CR1L: variants seen among roughly 807,000 people sequenced by gnomAD.
The protein encoded by CR1L is complement C3b/C4b receptor 1 like.
A neutral mutation model predicts 62.3 loss-of-function variants in CR1L; 59 were observed. The observed-to-expected ratio is 0.95, with a 90% CI of 0.77 to 1.18. CR1L has a LOEUF of 1.18. CR1L is among the 50% of genes most tolerant of loss of function. The probability of loss-of-function intolerance (pLI) is 0.00; values close to 1 mark genes in which losing one functional copy is unlikely to be tolerated. For missense variants in CR1L, 700 were observed against 702.8 expected (o/e 1.00, Z 0.04); for synonymous variants, 279 against 248.7 (o/e 1.12, Z -1.15).
At position 207,669,304 on chromosome 1, in the gene CR1L, A is replaced by T. The variant is rs1003650123; in HGVS notation, c.98-8085A>T. 32 of 591,966 alleles carry T rather than the reference A, an allele frequency of 5.4e-5. 1 individual carries two copies. Among genetic ancestry groups the T allele is most frequent in the Non-Finnish European group, 6.0e-6 (2 of 335,464 alleles). 36.7% of individuals were successfully genotyped at this position (591,966 alleles called of 1,614,324 possible). A position where few individuals can be genotyped will look rare whatever the true frequency, so the allele number is the denominator to read the frequency against. On this transcript the variant is annotated intron_variant, in intron 1 of 11. Transcript: ENST00000508064. ...CATGAAGGGGAAGCTGGTCAAAAGC[A>T]TTTTGTCCCGGAACCCCGCAGCCCT...
chr1:207,697,036 G>C lies in CR1L; in HGVS notation c.863-467G>C, dbSNP rs1458882544. ...AGGAGAAGAGAATAGATGTATGTTT[G>C]TTGCACCAGTGTGATAGGTGATGGA... On this transcript the variant is annotated intron_variant, in intron 5 of 11. Coordinates refer to ENST00000508064, the MANE Select transcript of CR1L (RefSeq NM_175710.2). 2.6e-5 allele frequency among the ~76,000 whole-genome samples: 4 copies of C among 152,206 alleles called. No individual in the cohort carries two copies. The East Asian group carries it at 7.7e-4, about 29-fold the overall frequency.
At chr1:207,718,559 T>C (rs1303753075) in intron 11 of CR1L, among the ~76,000 whole-genome samples, 1 of 152,092 alleles carries the variant, frequency 6.6e-6, no homozygotes, top group African/African-American at 2.4e-5. Flanking sequence ...GTAGCTAGGA[T>C]TACAGGCACC....
rs569573410 is a variant in CR1L at position 207,701,814 on chromosome 1, G to A, written c.1328+196G>A. 5 of 820,950 alleles carry A rather than the reference G, an allele frequency of 6.1e-6. No homozygotes were observed. The East Asian group carries it at 8.1e-5, about 13-fold the overall frequency. 50.9% of individuals were successfully genotyped at this position (820,950 alleles called of 1,614,324 possible). On this transcript the variant is annotated intron_variant, in intron 9 of 11. Coordinates refer to ENST00000508064, the MANE Select transcript of CR1L (RefSeq NM_175710.2). Reference sequence around the variant, plus strand: ...ATCTGTGTCCTTGCTGGAAACCAGGGCAGTGCACACATAAAGAGTATGCCG... The same window carrying A: ...ATCTGTGTCCTTGCTGGAAACCAGGACAGTGCACACATAAAGAGTATGCCG...
At chr1:207,696,139 G>A (rs181546830) in intron 5 of CR1L, among the ~76,000 whole-genome samples, 1 of 152,296 alleles carries the variant, frequency 6.6e-6, no homozygotes, top group East Asian at 1.9e-4. Flanking sequence ...AGCCTGGAGG[G>A]ATGCTCAAGT....
intron 10 of CR1L, among the ~76,000 whole-genome samples, chr1:207,716,111 G>C (rs1299348101): frequency 6.6e-6 from 1 of 152,106 alleles, no homozygotes; most frequent in Non-Finnish European, 1.5e-5. Context: ...TCCATGTGTA[G>C]AAAATGCAAT....
At chr1:207,718,065 C>T (rs776679325) in intron 11 of CR1L, among the ~76,000 whole-genome samples, 10 of 152,218 alleles carry the variant, frequency 6.6e-5, no homozygotes, top group Middle Eastern at 3.4e-3. Flanking sequence ...GGATGTGCTG[C>T]GCAAAAAGTA....
chr1:207,657,290 G>T (rs1663331948), intron 1 of CR1L: 2 of 1,444,020 alleles, frequency 1.4e-6, no homozygotes, highest in Non-Finnish European at 1.9e-6. Context: ...TGACAATTCA[G>T]TATGGAATCA....
intron 1 of CR1L, among the ~76,000 whole-genome samples, chr1:207,650,060 C>T (rs1323722): frequency 0.36 from 55,085 of 151,724 alleles, 10,163 homozygotes; most frequent in Non-Finnish European, 0.4. Flanking sequence ...GGCTCTTGGG[C>T]CTCCCTTTGT....
chr1:207,712,891 C>A (rs1571536378), intron 10 of CR1L, among the ~76,000 whole-genome samples: 1 of 152,138 alleles, frequency 6.6e-6, no homozygotes, highest in Non-Finnish European at 1.5e-5. Flanking sequence ...GTGTTGAGAC[C>A]AAGGACTCAG....
Position 207,697,594 on chromosome 1 carries a change from T to C in CR1L, c.954T>C (p.Cys318=). 6.2e-7 allele frequency: 1 copy of C among 1,613,886 alleles called. No homozygotes were observed. The highest frequency in any genetic ancestry group is 8.5e-7 in the Non-Finnish European group (1 of 1,179,810). Residue 318 remains cysteine, a synonymous_variant, in exon 6 of 12, where the codon TGT becomes TGC. Coordinates refer to ENST00000508064, the MANE Select transcript of CR1L (RefSeq NM_175710.2). ...FSPGQEVFYS[C]EPGYDLRGST... ...CCGGGCAGGAAGTGTTCTACAGCTG[T>C]GAGCCCGGCTACGACCTCAGAGGAT... is the stretch of plus-strand genomic sequence containing the variant.
intron 5 of CR1L, 144 bp from the exon 6 acceptor site, chr1:207,697,359 T>A: frequency 6.5e-7 from 1 of 1,532,424 alleles, no homozygotes; most frequent in Non-Finnish European, 8.8e-7. Flanking sequence ...CCCTGTGTAT[T>A]TAGTTTGTTA....
intron 10 of CR1L, among the ~76,000 whole-genome samples, chr1:207,712,382 C>T (rs1664372688): frequency 6.6e-6 from 1 of 152,210 alleles, no homozygotes; most frequent in Non-Finnish European, 1.5e-5. Context: ...TGTAGATTTA[C>T]AGGTGAATTT....
Position 207,694,507 on chromosome 1 carries a change from C to T in CR1L, c.618C>T (p.Tyr206=), listed in dbSNP as rs375028978. ...AGCTTGTGGGTGAGCCCTCCATATA[C>T]TGCACCAGCAAAGATGATCAAGTGG... The part of the protein sequence containing the change: ...VFELVGEPSI[Y]CTSKDDQVGI... The change falls in exon 5 of 12, where the codon TAC becomes TAT. Residue 206 remains tyrosine (Y), a synonymous_variant. Transcript: ENST00000508064. 2.2e-5 allele frequency: 35 copies of T among 1,613,580 alleles called. No individual in the cohort carries two copies. The highest frequency in any genetic ancestry group is 2.8e-5 in the Non-Finnish European group (33 of 1,179,878).
chr1:207,666,659 C>T (rs553210329), intron 1 of CR1L, among the ~76,000 whole-genome samples: 4 of 152,212 alleles, frequency 2.6e-5, no homozygotes, highest in African/African-American at 9.6e-5. Context: ...GATGAGAACA[C>T]ATGGACAGAT....
At position 207,701,509 on chromosome 1, in the gene CR1L, T is replaced by G; in HGVS notation, c.1229-10T>G. 1 of 1,613,560 alleles carries G rather than the reference T, an allele frequency of 6.2e-7. No individual in the cohort carries two copies. The highest frequency in any genetic ancestry group is 8.5e-7 in the Non-Finnish European group (1 of 1,179,552). On this transcript the variant is annotated splice_polypyrimidine_tract_variant and intron_variant, in intron 8 of 11. Coordinates refer to ENST00000508064, the MANE Select transcript of CR1L (RefSeq NM_175710.2). ...CTCTACCTGGCTCCAAAACATTTTC[T>G]TTCCCACAGGTAAATCATGTGAAAC... is the stretch of plus-strand genomic sequence containing the variant.
intron 4 of CR1L, among the ~76,000 whole-genome samples, chr1:207,686,134 C>CCCTTCCTT (rs1174390747): frequency 1.9e-3 from 17 of 9,160 alleles, no homozygotes; most frequent in South Asian, 3.9e-3. Context: ...CTTCCTCCCT[C>CCCTTCCTT]CCTTCCTTCC....
At chr1:207,662,326 C>T (rs1663438536) in intron 1 of CR1L, among the ~76,000 whole-genome samples, 1 of 152,208 alleles carries the variant, frequency 6.6e-6, no homozygotes, top group Admixed American at 6.5e-5. Flanking sequence ...TCCCATATTT[C>T]TTGGAGGCTT....
intron 1 of CR1L, among the ~76,000 whole-genome samples, chr1:207,670,503 A>G (rs1278362997): frequency 1.3e-5 from 2 of 150,976 alleles, no homozygotes; most frequent in Admixed American, 6.6e-5. Flanking sequence ...TGGGCTCCCC[A>G]GAAGTCTTCT....
intron 1 of CR1L, among the ~76,000 whole-genome samples, chr1:207,671,060 GT>G (rs1336416041): frequency 6.6e-6 from 1 of 150,970 alleles, no homozygotes; most frequent in East Asian, 1.9e-4. Flanking sequence ...CAGTGTTCTG[GT>G]TTTTCCAGAC....
Sources: allele counts gnomAD v4.1 joint callset (sites outside exome capture counted in the v4.1 genomes callset), GRCh38; gene constraint gnomAD v4.1.1; transcripts MANE v1.5; gene names NCBI Gene and HGNC (gene_info 2026-07-23, HGNC 2026-07-21).